Variants in PAK3 observed in about 807,000 individuals in gnomAD.
The protein encoded by PAK3 is p21 (RAC1) activated kinase 3.
In PAK3, 4 loss-of-function variants were observed where a neutral mutation model predicts 41.0. The ratio of observed to expected loss-of-function variants is 0.10; its 90% CI spans 0.05 to 0.22. The LOEUF (loss-of-function observed/expected upper bound fraction) is 0.22, where lower values mean the gene tolerates loss of function less well. Ranked by LOEUF, PAK3 falls within the 10% of genes least tolerant of loss-of-function variation. The pLI is 1.00. For synonymous variants in PAK3, 146 were observed against 139.6 expected, an observed-to-expected ratio of 1.05 and a Z score of -0.32; for missense variants, 205 against 409.9, an observed-to-expected ratio of 0.50 and a Z score of 4.32.
At chrX:111,048,131 C>T (rs1243484139) in intron 1 of PAK3, among the ~76,000 whole-genome samples, 1 of 111,233 alleles carries the variant, frequency 9.0e-6, no homozygotes, top group African/African-American at 3.3e-5. Flanking sequence ...CATGGAGTCA[C>T]ATCCAACAGT....
At chrX:111,044,215 C>A (rs1171639456) in intron 1 of PAK3, among the ~76,000 whole-genome samples, 1 of 111,757 alleles carries the variant, frequency 8.9e-6, no homozygotes, top group African/African-American at 3.3e-5. Flanking sequence ...CAGAGCCAGA[C>A]AGTGAATTAG....
At chrX:111,128,789 G>T (rs1481003223) in intron 5 of PAK3, among the ~76,000 whole-genome samples, 2 of 112,033 alleles carry the variant, frequency 1.8e-5, no homozygotes, top group Admixed American at 1.9e-4. Flanking sequence ...AGGAAAGAAA[G>T]AACTTTTTCA....
At chrX:111,018,519 GA>G (rs1225386880) in intron 1 of PAK3, among the ~76,000 whole-genome samples, 1 of 111,509 alleles carries the variant, frequency 9.0e-6, no homozygotes, top group Non-Finnish European at 1.9e-5. Context: ...AAATACTTAG[GA>G]ATAAACTTAA....
chrX:111,128,846 A>T (rs1488668378), intron 5 of PAK3, among the ~76,000 whole-genome samples: 1 of 112,102 alleles, frequency 8.9e-6, no homozygotes, highest in African/African-American at 3.2e-5. Flanking sequence ...TTGATAATAG[A>T]GATATGCTAA....
Position 111,220,945 on chromosome X carries a change from C to CAAAAAAAAAAAAAAAAAAAA in PAK3, c.*515_*516insAAAAAAAAAAAAAAAAAAAA. ...AAAAAAGAAAGCAAAAAAAGCAAGG[C>CAAAAAAAAAAAAAAAAAAAA]AAAAAAAAAAAAAAAAACAAACAAA... On this transcript the variant is annotated 3_prime_UTR_variant, in exon 18 of 18. Transcript: ENST00000372007. 14 of 49,395 alleles carry CAAAAAAAAAAAAAAAAAAAA rather than the reference C, an allele frequency of 2.8e-4. No individual in the cohort carries two copies. Among genetic ancestry groups the CAAAAAAAAAAAAAAAAAAAA allele is most frequent in the East Asian group, 6.5e-4 (1 of 1,530 alleles). 4.1% of individuals were successfully genotyped at this position (49,395 alleles called of 1,213,427 possible). A position where few individuals can be genotyped will look rare whatever the true frequency, so the allele number is the denominator to read the frequency against.
At chrX:111,036,772 A>T (rs200652796) in intron 1 of PAK3, among the ~76,000 whole-genome samples, 1 of 111,634 alleles carries the variant, frequency 9.0e-6, no homozygotes, top group East Asian at 2.8e-4. Context: ...CCCCCGATTA[A>T]AAAACCTCTT....
intron 16 of PAK3, among the ~76,000 whole-genome samples, chrX:111,211,655 A>G (rs1349684171): frequency 1.9e-5 from 2 of 102,738 alleles, no homozygotes; most frequent in East Asian, 5.9e-4. Context: ...CAGTCTGGCA[A>G]CAGAGCAAGA....
chrX:111,022,220 T>C (rs2092196398), intron 1 of PAK3, among the ~76,000 whole-genome samples: 1 of 111,831 alleles, frequency 8.9e-6, no homozygotes, highest in South Asian at 3.7e-4. Context: ...CCTAGGCACA[T>C]AGCCATCAGG....
intron 10 of PAK3, 86 bp downstream of exon 10, chrX:111,163,813 T>A: frequency 1.3e-6 from 1 of 778,245 alleles, no homozygotes; most frequent in Non-Finnish European, 2.0e-6. Context: ...TTGGAAGTTT[T>A]AATCTGCTTA....
chrX:111,012,484 A>G (rs1419558355), intron 1 of PAK3, among the ~76,000 whole-genome samples: 3 of 111,857 alleles, frequency 2.7e-5, no homozygotes, highest in African/African-American at 9.8e-5. Flanking sequence ...CGATCACCTT[A>G]GGCTCAACCT....
At chrX:111,057,908 T>C (rs761885258) in intron 1 of PAK3, among the ~76,000 whole-genome samples, 13 of 112,181 alleles carry the variant, frequency 1.2e-4, no homozygotes, top group Non-Finnish European at 2.3e-4. Context: ...TTCTGGACAA[T>C]TCATAAAAAT....
chrX:111,206,763 G>A (rs1299044326), intron 16 of PAK3, among the ~76,000 whole-genome samples: 4 of 111,557 alleles, frequency 3.6e-5, no homozygotes, highest in Admixed American at 9.6e-5. Flanking sequence ...GGAATACAGC[G>A]TTCATTATAA....
rs2093883743 is a variant in PAK3, at chrX:111,142,341, A to G, written c.276+145A>G. ...TAAGATGGACATTGCCTAGGCAATC[A>G]TAGATGGAAATAGAGGATGGCAACA... On this transcript the variant is annotated intron_variant, in intron 6 of 17. Transcript: ENST00000372007. The G allele has an allele frequency of 5.8e-6, 3 of 520,392 alleles. No homozygotes were observed. The South Asian group carries it at 7.7e-5, about 13-fold the overall frequency. 42.9% of individuals were successfully genotyped at this position (520,392 alleles called of 1,213,427 possible).
intron 11 of PAK3, among the ~76,000 whole-genome samples, chrX:111,179,017 AT>A (rs1569446817): frequency 2.7e-4 from 28 of 105,546 alleles, no homozygotes; most frequent in Non-Finnish European, 4.8e-4. Flanking sequence ...ATATCTATAT[AT>A]ATATATATAT....
At chrX:111,010,124 A>G (rs1440942145) in intron 1 of PAK3, among the ~76,000 whole-genome samples, 2 of 112,187 alleles carry the variant, frequency 1.8e-5, no homozygotes, top group Non-Finnish European at 3.8e-5. Flanking sequence ...TTCTTCCTCT[A>G]TATAATTGTG....
At chrX:111,174,968 T>C in intron 11 of PAK3, among the ~76,000 whole-genome samples, 2 of 111,557 alleles carry the variant, frequency 1.8e-5, no homozygotes, top group South Asian at 7.7e-4. Context: ...TCTGGTGGAC[T>C]TGTTGTTTTG....
chrX:111,004,397 A>C (rs1475089250), intron 1 of PAK3, among the ~76,000 whole-genome samples: 4 of 112,145 alleles, frequency 3.6e-5, no homozygotes, highest in Non-Finnish European at 7.5e-5. Context: ...GTATGTCTGA[A>C]CTATACTGTC....
At position 110,948,448 on chromosome X, in the gene PAK3, GAAC is replaced by G. The variant is rs774124608; in HGVS notation, c.-28+3825_-28+3827del. ...GTCCTGTTTACAGGAGACGCTTCTT[GAAC>G]AACAGTTTCAGGGGTCCATTTTGTC... On this transcript the variant is annotated intron_variant, in intron 1 of 14. Transcript: ENST00000425146. Among the ~76,000 whole-genome samples, 4 of 111,877 alleles carry G rather than the reference GAAC, an allele frequency of 3.6e-5. No individual in the cohort carries two copies. The East Asian group carries it at 8.4e-4, about 24-fold the overall frequency.
At chrX:111,148,745 C>G (rs976605525) in intron 7 of PAK3, among the ~76,000 whole-genome samples, 2 of 111,077 alleles carry the variant, frequency 1.8e-5, no homozygotes, top group African/African-American at 6.6e-5. Flanking sequence ...CAATTACCCA[C>G]CCCCGGGTCC....
Sources: allele counts gnomAD v4.1 joint callset (sites outside exome capture counted in the v4.1 genomes callset), GRCh38; gene constraint gnomAD v4.1.1; transcripts MANE v1.5; gene names NCBI Gene and HGNC (gene_info 2026-07-23, HGNC 2026-07-21).